The following SLC35D4 variants were observed in gnomAD, a reference collection of about 807,000 sequenced individuals.
SLC35D4 encodes the protein UDP-N-acetylglucosamine transporter SLC35D4.
the SLC35D4 span, among the ~76,000 whole-genome samples, chr18:23,415,488 A>G: frequency 6.6e-6 from 1 of 152,258 alleles, no homozygotes; most frequent in Admixed American, 6.5e-5. Context: ...ATAGGACTGC[A>G]TCTGAAGTCT....
chr18:23,383,552 G>T, the SLC35D4 span, among the ~76,000 whole-genome samples: 1 of 152,102 alleles, frequency 6.6e-6, no homozygotes, highest in Non-Finnish European at 1.5e-5. Context: ...AGGTGACAGG[G>T]ACAAGAGGGC....
At chr18:23,386,232 T>C in the SLC35D4 span, among the ~76,000 whole-genome samples, 1 of 152,044 alleles carries the variant, frequency 6.6e-6, no homozygotes, top group Non-Finnish European at 1.5e-5. Flanking sequence ...CAAAGGATCT[T>C]TGCAAATGTG....
chr18:23,304,022 C>T, the SLC35D4 span, among the ~76,000 whole-genome samples: 2 of 149,820 alleles, frequency 1.3e-5, no homozygotes, highest in Non-Finnish European at 3.0e-5. Context: ...TTGAGATCAG[C>T]CTGGGCAACA....
At chr18:23,313,285 A>C in the SLC35D4 span, among the ~76,000 whole-genome samples, 2 of 151,920 alleles carry the variant, frequency 1.3e-5, no homozygotes, top group African/African-American at 4.8e-5. Context: ...AAAGCTTAAA[A>C]TTTGCTCTGA....
the SLC35D4 span, among the ~76,000 whole-genome samples, chr18:23,301,467 A>T: frequency 6.2e-4 from 94 of 152,332 alleles, 3 homozygotes; most frequent in East Asian, 0.017. Flanking sequence ...TAAAGGGATA[A>T]GAAATCTTTA....
At chr18:23,293,408 A>G in the SLC35D4 span, among the ~76,000 whole-genome samples, 2 of 152,370 alleles carry the variant, frequency 1.3e-5, no homozygotes, top group East Asian at 3.9e-4. Context: ...CCCAATATAT[A>G]AAAAATATTA....
At chr18:23,281,381 G>A in the SLC35D4 span, among the ~76,000 whole-genome samples, 1 of 152,084 alleles carries the variant, frequency 6.6e-6, no homozygotes, top group African/African-American at 2.4e-5. Flanking sequence ...GGAGTGCAGT[G>A]GCACAAACAG....
chr18:23,255,185 A>G, the SLC35D4 span, among the ~76,000 whole-genome samples: 4 of 152,250 alleles, frequency 2.6e-5, no homozygotes, highest in African/African-American at 7.2e-5. Flanking sequence ...GTTGGTTTGC[A>G]TTTGAAGAGC....
At chr18:23,326,345 G>C in the SLC35D4 span, among the ~76,000 whole-genome samples, 1 of 152,258 alleles carries the variant, frequency 6.6e-6, no homozygotes, top group African/African-American at 2.4e-5. Context: ...TCAAAATAAA[G>C]GGATGCAGGA....
the SLC35D4 span, among the ~76,000 whole-genome samples, chr18:23,401,613 G>T: frequency 6.6e-6 from 1 of 152,308 alleles, no homozygotes; most frequent in South Asian, 2.1e-4. Flanking sequence ...GCACCAGAAG[G>T]AAGCACAGAG....
chr18:23,319,288 A>G, the SLC35D4 span, among the ~76,000 whole-genome samples: 1 of 140,774 alleles, frequency 7.1e-6, no homozygotes, highest in Admixed American at 7.1e-5. Flanking sequence ...TTATTTATTT[A>G]GAGATGGAGT....
At chr18:23,255,924 A>C in the SLC35D4 span, among the ~76,000 whole-genome samples, 1 of 152,170 alleles carries the variant, frequency 6.6e-6, no homozygotes, top group South Asian at 2.1e-4. Context: ...TGCACATTTA[A>C]TCATAGTTGA....
chr18:23,390,415 C>T, the SLC35D4 span, among the ~76,000 whole-genome samples: 1 of 152,146 alleles, frequency 6.6e-6, no homozygotes, highest in African/African-American at 2.4e-5. Context: ...AGGTAATTGA[C>T]CAAATTAAAC....
the SLC35D4 span, among the ~76,000 whole-genome samples, chr18:23,381,548 T>C: frequency 6.6e-6 from 1 of 152,124 alleles, no homozygotes; most frequent in African/African-American, 2.4e-5. Context: ...CTTAGATTTA[T>C]AAAGGAAAGA....
chr18:23,386,124 C>CAAA, the SLC35D4 span, among the ~76,000 whole-genome samples: 16 of 41,040 alleles, frequency 3.9e-4, no homozygotes, highest in African/African-American at 9.2e-4. Flanking sequence ...GACTCTGTCT[C>CAAA]AAAAAAAAAA....
the SLC35D4 span, among the ~76,000 whole-genome samples, chr18:23,267,935 C>T: frequency 3.3e-5 from 5 of 152,210 alleles, no homozygotes; most frequent in African/African-American, 1.2e-4. Flanking sequence ...TCTGGCCACC[C>T]GGTTTGGGAA....
chr18:23,361,976 A>G, the SLC35D4 span, among the ~76,000 whole-genome samples: 1 of 152,188 alleles, frequency 6.6e-6, no homozygotes, highest in Non-Finnish European at 1.5e-5. Context: ...CCACTATCTA[A>G]TTCCAGAATA....
chr18:23,423,352 G>A, the SLC35D4 span, among the ~76,000 whole-genome samples: 1 of 152,216 alleles, frequency 6.6e-6, no homozygotes, highest in Non-Finnish European at 1.5e-5. Context: ...AAACAGTTTG[G>A]TCCAGTACAG....
At chr18:23,275,350 T>C in the SLC35D4 span, among the ~76,000 whole-genome samples, 1 of 152,056 alleles carries the variant, frequency 6.6e-6, no homozygotes, top group Non-Finnish European at 1.5e-5. Flanking sequence ...ATTGAAGCAA[T>C]AATTCTAGGT....
Sources: allele counts gnomAD v4.1 joint callset (sites outside exome capture counted in the v4.1 genomes callset), GRCh38; gene constraint gnomAD v4.1.1; transcripts MANE v1.5; gene names NCBI Gene and HGNC (gene_info 2026-07-23, HGNC 2026-07-21).